Variants in PSD3 observed in about 807,000 individuals in gnomAD.
PSD3 encodes PH and SEC7 domain-containing protein 3.
In PSD3, 49 loss-of-function variants were observed where a neutral mutation model predicts 105.5. That is an observed-to-expected ratio of 0.46 (90% CI 0.37 to 0.59). PSD3 has a LOEUF of 0.59. Ranked by LOEUF, PSD3 falls within the 20% of genes least tolerant of loss-of-function variation. PSD3 has a pLI of 0.00. For missense variants in PSD3, 1,561 were observed against 1,263.8 expected (o/e 1.24, Z -3.57); for synonymous variants, 557 against 457.8 (o/e 1.22, Z -2.77).
chr8:18,800,176 T>A (rs1382285382), intron 7 of PSD3, among the ~76,000 whole-genome samples: 1 of 152,172 alleles, frequency 6.6e-6, no homozygotes. Context: ...AAGTCACGAA[T>A]CCATATTTCT....
chr8:18,714,602 A>C lies in PSD3; in HGVS notation c.2172+50847T>G, dbSNP rs1802466689. On this transcript the variant is annotated intron_variant, in intron 9 of 15. Transcript: ENST00000327040. ...GAGATACCATTTCACACCAGTCAGA[A>C]TGGTGATTATTGCAAAGTCAAGAAA... Among the ~76,000 whole-genome samples, 3 of 152,346 alleles carry C rather than the reference A, an allele frequency of 2.0e-5. No individual in the cohort carries two copies. In the South Asian group the frequency reaches 6.2e-4, roughly 32 times the overall value.
intron 1 of PSD3, among the ~76,000 whole-genome samples, chr8:18,961,620 G>A (rs1823930719): frequency 1.3e-5 from 2 of 152,172 alleles, no homozygotes; most frequent in African/African-American, 4.8e-5. Context: ...CAACCCAGGA[G>A]GCGGAGGTTG....
chr8:18,606,852 T>C (rs931519455), intron 11 of PSD3, among the ~76,000 whole-genome samples: 1 of 152,328 alleles, frequency 6.6e-6, no homozygotes, highest in East Asian at 1.9e-4. Flanking sequence ...GTTATACCTA[T>C]ACGTTCTATG....
chr8:18,643,292 A>G (rs1807785649), intron 10 of PSD3, among the ~76,000 whole-genome samples: 1 of 152,148 alleles, frequency 6.6e-6, no homozygotes, highest in Non-Finnish European at 1.5e-5. Flanking sequence ...CTCATGACCT[A>G]AGCACCTCTT....
intron 1 of PSD3, among the ~76,000 whole-genome samples, chr8:18,957,418 G>A (rs1386720788): frequency 1.3e-5 from 2 of 151,526 alleles, no homozygotes; most frequent in African/African-American, 4.8e-5. Flanking sequence ...AACAGTGACT[G>A]TACAATGTGA....
At chr8:18,842,754 T>C (rs902921038) in intron 4 of PSD3, among the ~76,000 whole-genome samples, 3 of 151,954 alleles carry the variant, frequency 2.0e-5, no homozygotes, top group African/African-American at 7.3e-5. Context: ...ATTGTATGGC[T>C]TTACTAGTAT....
intron 9 of PSD3, among the ~76,000 whole-genome samples, chr8:18,669,615 G>A (rs1799666645): frequency 6.6e-6 from 1 of 152,182 alleles, no homozygotes; most frequent in Admixed American, 6.5e-5. Context: ...GCGTCCACAT[G>A]GGATGGCACA....
chr8:18,778,742 T>C (rs534989787), intron 8 of PSD3, among the ~76,000 whole-genome samples: 3 of 152,166 alleles, frequency 2.0e-5, no homozygotes, highest in Admixed American at 6.5e-5. Context: ...TTTGACCTTT[T>C]TGTGACGTAT....
chr8:18,671,954 C>T (rs1340913766), intron 9 of PSD3, among the ~76,000 whole-genome samples: 3 of 152,048 alleles, frequency 2.0e-5, no homozygotes, highest in Non-Finnish European at 4.4e-5. Context: ...AACTTTTATA[C>T]CCTGATCCTC....
At chr8:18,788,911 T>C (rs1237563009) in intron 8 of PSD3, among the ~76,000 whole-genome samples, 1 of 152,184 alleles carries the variant, frequency 6.6e-6, no homozygotes, top group East Asian at 1.9e-4. Context: ...CCATTCCTTT[T>C]TAAATGTATG....
At chr8:18,797,246 C>T (rs1009852363) in intron 8 of PSD3, among the ~76,000 whole-genome samples, 1 of 152,126 alleles carries the variant, frequency 6.6e-6, no homozygotes, top group East Asian at 1.9e-4. Flanking sequence ...ATTTTTAAAA[C>T]AGAGAACTAC....
At chr8:19,009,881 A>C (rs1000409242) in intron 1 of PSD3, among the ~76,000 whole-genome samples, 3 of 152,188 alleles carry the variant, frequency 2.0e-5, no homozygotes, top group Non-Finnish European at 4.4e-5. Flanking sequence ...ACAGAGTGAG[A>C]TCTTGTGTCA....
At position 18,737,802 on chromosome 8, in the gene PSD3, T is replaced by A. The variant is rs545128005; in HGVS notation, c.2172+27647A>T. Among the ~76,000 whole-genome samples, 7 of 152,254 alleles carry A rather than the reference T, an allele frequency of 4.6e-5. 1 individual carries two copies. The East Asian group carries it at 9.7e-4, about 21-fold the overall frequency. On this transcript the variant is annotated intron_variant, in intron 9 of 15. Coordinates refer to ENST00000327040, the MANE Select transcript of PSD3 (RefSeq NM_015310.4). Reference sequence around the variant, plus strand: ...TTTCACTGAACTTCAGTAGAAAATATACACAAAACTAGTCTTGCATCATGG... The same window carrying A: ...TTTCACTGAACTTCAGTAGAAAATAAACACAAAACTAGTCTTGCATCATGG...
intron 12 of PSD3, among the ~76,000 whole-genome samples, chr8:18,579,435 A>G (rs1802669125): frequency 6.6e-6 from 1 of 152,174 alleles, no homozygotes; most frequent in South Asian, 2.1e-4. Context: ...CCATTTTCTC[A>G]AATAAATGAG....
At chr8:18,556,697 A>G (rs1434119873) in intron 14 of PSD3, among the ~76,000 whole-genome samples, 3 of 152,208 alleles carry the variant, frequency 2.0e-5, no homozygotes, top group African/African-American at 7.2e-5. Context: ...AGCAGCTAGC[A>G]TGGAAGCTGC....
At chr8:18,639,525 T>C (rs1585467384) in intron 10 of PSD3, among the ~76,000 whole-genome samples, 1 of 152,164 alleles carries the variant, frequency 6.6e-6, no homozygotes, top group Non-Finnish European at 1.5e-5. Flanking sequence ...GGAAATAAGA[T>C]GATTAAAGAG....
chr8:18,859,071 A>G (rs979859233), intron 4 of PSD3, among the ~76,000 whole-genome samples: 1 of 152,224 alleles, frequency 6.6e-6, no homozygotes, highest in Non-Finnish European at 1.5e-5. Flanking sequence ...AAAAAAGCTC[A>G]AAGTCAAAAT....
chr8:18,616,576 C>A, intron 11 of PSD3, among the ~76,000 whole-genome samples: 1 of 151,646 alleles, frequency 6.6e-6, no homozygotes, highest in Non-Finnish European at 1.5e-5. Context: ...ATTTCATTTA[C>A]TTAACAGGAA....
At chr8:18,915,711 C>G (rs1350924244) in intron 2 of PSD3, among the ~76,000 whole-genome samples, 1 of 152,044 alleles carries the variant, frequency 6.6e-6, no homozygotes, top group East Asian at 1.9e-4. Flanking sequence ...TGGCTAATAT[C>G]AAAAAGATAA....
Sources: allele counts gnomAD v4.1 joint callset (sites outside exome capture counted in the v4.1 genomes callset), GRCh38; gene constraint gnomAD v4.1.1; transcripts MANE v1.5; gene names NCBI Gene and HGNC (gene_info 2026-07-23, HGNC 2026-07-21).